Variants in PSEN1 observed in about 807,000 individuals in gnomAD.
PSEN1 encodes presenilin 1, also known as presenilin-1.
Under a neutral mutation model 53.5 loss-of-function variants are expected in PSEN1, and 15 were observed. The ratio of observed to expected loss-of-function variants is 0.28; its 90% CI spans 0.19 to 0.43. The LOEUF (loss-of-function observed/expected upper bound fraction) is 0.43, where lower values mean the gene tolerates loss of function less well. Ranked by LOEUF, PSEN1 falls within the 20% of genes least tolerant of loss-of-function variation. The probability of loss-of-function intolerance (pLI) is 1.00; values close to 1 mark genes in which losing one functional copy is unlikely to be tolerated. For missense variants in PSEN1, 387 were observed against 571.2 expected, an observed-to-expected ratio of 0.68 and a Z score of 3.29; for synonymous variants, 208 against 209.8, an observed-to-expected ratio of 0.99 and a Z score of 0.08.
intron 8 of PSEN1, among the ~76,000 whole-genome samples, chr14:73,202,548 C>T (rs1899271204): frequency 7.6e-6 from 1 of 132,170 alleles, no homozygotes; most frequent in South Asian, 2.6e-4. Flanking sequence ...TCTCGACTCA[C>T]TGCAAGCTCC....
rs930106868 is a variant in PSEN1 at position 73,221,888 on chromosome 14, A to C, written c.*2599A>C. On this transcript the variant is annotated 3_prime_UTR_variant, in exon 12 of 12. Transcript: ENST00000324501. ...CTCACACGGGACAGGCGGTGGTTAT[A>C]GAGTCGGGCAAAACCAGCAGTAGAG... The C allele has an allele frequency of 6.6e-5, 10 of 152,222 alleles. No homozygotes were observed. Among genetic ancestry groups the C allele is most frequent in the African/African-American group, 2.4e-4 (10 of 41,460 alleles). 9.4% of individuals were successfully genotyped at this position (152,222 alleles called of 1,614,324 possible). A position where few individuals can be genotyped will look rare whatever the true frequency, so the allele number is the denominator to read the frequency against.
chr14:73,176,753 A>G (rs1390697382), intron 5 of PSEN1, among the ~76,000 whole-genome samples: 3 of 152,158 alleles, frequency 2.0e-5, no homozygotes, highest in Non-Finnish European at 4.4e-5. Flanking sequence ...AACCCCTACT[A>G]TTATCCCAGT....
chr14:73,193,198 T>C lies in PSEN1; in HGVS notation c.769+334T>C, dbSNP rs367896299. Among the ~76,000 whole-genome samples the C allele has an allele frequency of 8.5e-5, 13 of 152,088 alleles. No homozygotes were observed. In the East Asian group the frequency reaches 2.3e-3, roughly 27 times the overall value. Reference sequence around the variant, plus strand: ...GGTGGTGCACACCTGTAGTTCCAGCTACTTAGGAGGCTGAGGTGGGAGGAT... The same window carrying C: ...GGTGGTGCACACCTGTAGTTCCAGCCACTTAGGAGGCTGAGGTGGGAGGAT... On this transcript the variant is annotated intron_variant, in intron 7 of 11. Coordinates refer to ENST00000324501, the MANE Select transcript of PSEN1 (RefSeq NM_000021.4).
In PSEN1 at chr14:73,222,940, A is replaced by G. The variant is rs2140156047; in HGVS notation, c.*3651A>G. 6.6e-6 allele frequency: 1 copy of G among 152,314 alleles called. No individual in the cohort carries two copies. The highest frequency in any genetic ancestry group is 2.4e-5 in the African/African-American group (1 of 41,578). The allele number at this position is 152,314 out of a possible 1,614,324, so 9.4% of individuals were successfully genotyped here. ...TTGGAAGGAGACGTGAAAATTGGAC[A>G]TTTGGTTTTGCCCTTGGGCTGGAAA... On this transcript the variant is annotated 3_prime_UTR_variant, in exon 12 of 12. Transcript: ENST00000324501.
chr14:73,167,177 A>G (rs539231782), intron 3 of PSEN1, among the ~76,000 whole-genome samples: 1 of 152,260 alleles, frequency 6.6e-6, no homozygotes, highest in African/African-American at 2.4e-5. Flanking sequence ...CATGGTGGAT[A>G]GACAGAACGG....
rs1229631949 is a variant in PSEN1 at position 73,221,991 on chromosome 14, TCTGA to T, written c.*2706_*2709del. 6.6e-6 allele frequency: 1 copy of T among 152,154 alleles called. No homozygotes were observed. Among genetic ancestry groups the T allele is most frequent in the Admixed American group, 6.5e-5 (1 of 15,274 alleles). 9.4% of individuals were successfully genotyped at this position (152,154 alleles called of 1,614,324 possible). On this transcript the variant is annotated 3_prime_UTR_variant, in exon 12 of 12. Transcript: ENST00000324501. ...GGAAAGTAGCCACTAAGAGTCTGAG[TCTGA>T]CTGGGCTACAGAATAAAGGGTATTT...
At chr14:73,173,265 C>CA (rs1235482118) in intron 4 of PSEN1, among the ~76,000 whole-genome samples, 1 of 151,852 alleles carries the variant, frequency 6.6e-6, no homozygotes, top group Non-Finnish European at 1.5e-5. Flanking sequence ...AAGCTGTAGC[C>CA]AAAAAAATTT....
intron 5 of PSEN1, among the ~76,000 whole-genome samples, chr14:73,183,757 T>C (rs2140067420): frequency 6.6e-6 from 1 of 151,734 alleles, no homozygotes; most frequent in Non-Finnish European, 1.5e-5. Context: ...TTTCCCGCCT[T>C]TCTATTCCAC....
At chr14:73,185,278 G>T (rs1056770804) in intron 5 of PSEN1, among the ~76,000 whole-genome samples, 4 of 152,122 alleles carry the variant, frequency 2.6e-5, no homozygotes, top group African/African-American at 9.7e-5. Flanking sequence ...AGGTTGTAGC[G>T]AGCCGAGATC....
At chr14:73,180,340 T>A (rs781779373) in intron 5 of PSEN1, among the ~76,000 whole-genome samples, 2 of 152,228 alleles carry the variant, frequency 1.3e-5, no homozygotes, top group Non-Finnish European at 2.9e-5. Flanking sequence ...TCTCCACATT[T>A]ACTTGTTCAT....
chr14:73,174,098 A>T, intron 5 of PSEN1: 1 of 259,412 alleles, frequency 3.9e-6, no homozygotes, highest in Non-Finnish European at 7.2e-6. Flanking sequence ...AGATTTAGTG[A>T]TAATTTATGT....
intron 7 of PSEN1, 93 bp from the exon 8 acceptor site, chr14:73,197,938 A>G: frequency 1.4e-6 from 1 of 733,284 alleles, no homozygotes; most frequent in Non-Finnish European, 2.4e-6. Flanking sequence ...AAAAACATTA[A>G]ACTTTTTTCC....
intron 8 of PSEN1, among the ~76,000 whole-genome samples, chr14:73,201,518 A>T (rs1308450855): frequency 2.0e-5 from 3 of 152,142 alleles, no homozygotes; most frequent in Non-Finnish European, 4.4e-5. Context: ...CAGAAGCAGT[A>T]CTCCAAAGGG....
chr14:73,184,495 G>T (rs867917518), intron 5 of PSEN1, among the ~76,000 whole-genome samples: 6,945 of 98,074 alleles, frequency 0.071, 369 homozygotes, highest in South Asian at 0.12. Context: ...CCTCCCGGAC[G>T]GGGCGGCTGG....
intron 1 of PSEN1, among the ~76,000 whole-genome samples, chr14:73,144,492 C>T (rs542759036): frequency 3.9e-5 from 6 of 152,122 alleles, no homozygotes; most frequent in Non-Finnish European, 5.9e-5. Context: ...TAATCAAAAT[C>T]GCTTCAAAAT....
intron 3 of PSEN1, among the ~76,000 whole-genome samples, chr14:73,153,196 T>C (rs956703630): frequency 3.9e-5 from 6 of 152,368 alleles, no homozygotes; most frequent in African/African-American, 1.2e-4. Flanking sequence ...ATTATAGTTA[T>C]GAATTTGTTT....
At chr14:73,167,393 G>C (rs911541507) in intron 3 of PSEN1, among the ~76,000 whole-genome samples, 2 of 152,180 alleles carry the variant, frequency 1.3e-5, no homozygotes, top group Non-Finnish European at 2.9e-5. Context: ...GATTTGGTAT[G>C]TTCAACCTGT....
rs200107446 is a variant in PSEN1 at position 73,219,581 on chromosome 14, T to C, written c.*292T>C. Reference sequence around the variant, plus strand: ...GAGATATGATAGGCCCGGAAGTTGCTGTGCCCCATCAGCAGCTTGACGCGT... The same window carrying C: ...GAGATATGATAGGCCCGGAAGTTGCCGTGCCCCATCAGCAGCTTGACGCGT... On this transcript the variant is annotated 3_prime_UTR_variant, in exon 12 of 12. Coordinates refer to ENST00000324501, the MANE Select transcript of PSEN1 (RefSeq NM_000021.4). The C allele has an allele frequency of 9.5e-6, 4 of 419,734 alleles. No homozygotes were observed. Among genetic ancestry groups the C allele is most frequent in the South Asian group, 2.2e-5 (1 of 45,652 alleles). The allele number at this position is 419,734 out of a possible 1,614,324, so 26.0% of individuals were successfully genotyped here. A position where few individuals can be genotyped will look rare whatever the true frequency, so the allele number is the denominator to read the frequency against.
chr14:73,208,021 TCTTGTGTTAAC>T (rs1362880694), intron 9 of PSEN1, among the ~76,000 whole-genome samples: 1 of 152,126 alleles, frequency 6.6e-6, no homozygotes, highest in African/African-American at 2.4e-5. Context: ...CAAGCCTGGC[TCTTGTGTTAAC>T]CTTGTGTTAA....
Sources: gnomAD v4.1 joint callset for allele counts (sites outside exome capture counted in the v4.1 genomes callset) on GRCh38, gnomAD v4.1.1 for gene constraint, MANE v1.5 for transcripts, NCBI Gene and HGNC (gene_info 2026-07-23, HGNC 2026-07-21) for gene names.